NCAM1: variants seen among roughly 807,000 people sequenced by gnomAD.
NCAM1 encodes neural cell adhesion molecule 1.
NCAM1 carries 14 observed loss-of-function variants against 109.8 expected under a neutral mutation model. That is an observed-to-expected ratio of 0.13 (90% CI 0.08 to 0.20). The LOEUF is 0.20. Among genes scored for constraint, NCAM1 ranks in the 10% least tolerant of loss-of-function variants. NCAM1 has a pLI of 1.00. For synonymous variants in NCAM1, 418 were observed against 442.9 expected (o/e 0.94, Z 0.70); for missense variants, 774 against 1,109.9 (o/e 0.70, Z 4.30).
At chr11:113,107,847 C>T (rs1165335490) in intron 1 of NCAM1, among the ~76,000 whole-genome samples, 1 of 152,190 alleles carries the variant, frequency 6.6e-6, no homozygotes, top group Non-Finnish European at 1.5e-5. Context: ...GTGTAGTCCT[C>T]TGCAGTAATT....
At chr11:113,050,165 G>T (rs1555081579) in intron 1 of NCAM1, among the ~76,000 whole-genome samples, 1 of 151,802 alleles carries the variant, frequency 6.6e-6, no homozygotes, top group East Asian at 1.9e-4. Flanking sequence ...GACAGAAAGA[G>T]AATTAATGAC....
intron 9 of NCAM1, chr11:113,231,094 T>C (rs1944991820): frequency 8.6e-7 from 1 of 1,158,498 alleles, no homozygotes; most frequent in African/African-American, 1.5e-5. Flanking sequence ...TGTTTTTACA[T>C]GTGATTATTT....
chr11:113,018,766 A>G (rs1245242115), intron 1 of NCAM1, among the ~76,000 whole-genome samples: 1 of 152,186 alleles, frequency 6.6e-6, no homozygotes, highest in Non-Finnish European at 1.5e-5. Context: ...AAACAGACAT[A>G]GTCTTAAATG....
intron 1 of NCAM1, among the ~76,000 whole-genome samples, chr11:113,113,589 A>G (rs1555094199): frequency 6.6e-6 from 1 of 152,170 alleles, no homozygotes; most frequent in African/African-American, 2.4e-5. Context: ...TAAATTGGCA[A>G]TCTGTGGACT....
intron 17 of NCAM1, chr11:113,265,242 A>G (rs1187011664): frequency 1.2e-6 from 1 of 856,534 alleles, no homozygotes; most frequent in Non-Finnish European, 1.4e-6. Flanking sequence ...TGTCTGACAA[A>G]GCAGCAAAGA....
At chr11:113,044,283 G>C (rs887004335) in intron 1 of NCAM1, among the ~76,000 whole-genome samples, 2 of 152,110 alleles carry the variant, frequency 1.3e-5, no homozygotes, top group Non-Finnish European at 2.9e-5. Context: ...ACTTTTGAGG[G>C]AGGATAAGAA....
chr11:113,076,206 G>C (rs868925245), intron 1 of NCAM1, among the ~76,000 whole-genome samples: 6 of 152,282 alleles, frequency 3.9e-5, no homozygotes, highest in East Asian at 1.9e-4. Flanking sequence ...TTGGCCTTGA[G>C]GGGAAAGTTC....
intron 15 of NCAM1, among the ~76,000 whole-genome samples, chr11:113,249,767 C>T (rs1945609669): frequency 6.6e-6 from 1 of 152,194 alleles, no homozygotes; most frequent in African/African-American, 2.4e-5. Flanking sequence ...TTTCATGACA[C>T]CTGCGAGAAG....
rs148340673 is a variant in NCAM1 at position 113,185,068 on chromosome 11, T to TTATATATATATATA, written c.53-17299_53-17298insTATATATATATATA. Among the ~76,000 whole-genome samples the TTATATATATATATA allele has an allele frequency of 7.1e-4, 71 of 99,614 alleles. 2 individuals carry two copies. Among genetic ancestry groups the TTATATATATATATA allele is most frequent in the African/African-American group, 2.7e-3 (65 of 24,022 alleles). 65.4% of individuals were successfully genotyped at this position (99,614 alleles called of 152,430 possible). A position where few individuals can be genotyped will look rare whatever the true frequency, so the allele number is the denominator to read the frequency against. On this transcript the variant is annotated intron_variant, in intron 1 of 19. Transcript: ENST00000316851. ...TATGTGTATGTGTGTGCATTTATAT[T>TTATATATATATATA]TATATATATATAGAGAGAGAGAGAG... is the stretch of plus-strand genomic sequence containing the variant.
intron 1 of NCAM1, among the ~76,000 whole-genome samples, chr11:113,048,554 A>G (rs1432985774): frequency 3.3e-5 from 5 of 152,236 alleles, no homozygotes; most frequent in Admixed American, 1.3e-4. Context: ...TGATCCATCC[A>G]TCTTGCGAGG....
intron 9 of NCAM1, among the ~76,000 whole-genome samples, chr11:113,227,278 C>CT (rs1944879848): frequency 1.3e-5 from 2 of 152,098 alleles, no homozygotes; most frequent in African/African-American, 4.8e-5. Flanking sequence ...GAAATACAAA[C>CT]TACCATCAGA....
At chr11:113,275,229 C>G (rs782708501) in intron 19 of NCAM1, 38 bp from the exon 20 acceptor site, 1 of 1,611,502 alleles carries the variant, frequency 6.2e-7, no homozygotes, top group South Asian at 1.1e-5. Context: ...GTCTGCAGAC[C>G]GTGGTCTCAG....
At chr11:112,981,223 G>T (rs1411735243) in intron 1 of NCAM1, among the ~76,000 whole-genome samples, 13 of 151,670 alleles carry the variant, frequency 8.6e-5, no homozygotes, top group African/African-American at 2.9e-4. Context: ...AAAAAAAACC[G>T]AAATGATGTT....
At chr11:113,238,097 GT>G (rs1555118661) in intron 14 of NCAM1, among the ~76,000 whole-genome samples, 1 of 151,822 alleles carries the variant, frequency 6.6e-6, no homozygotes, top group African/African-American at 2.4e-5. Flanking sequence ...AGACCTTGTT[GT>G]TTATTGTCTG....
Position 113,264,481 on chromosome 11 carries a change from C to T in NCAM1, c.2131+4158C>T, listed in dbSNP as rs72995546. On this transcript the variant is annotated intron_variant, in intron 17 of 19. Coordinates refer to ENST00000316851, the MANE Select transcript of NCAM1 (RefSeq NM_181351.5). ...CTCTCCCCGCTGGAGTCCCAGATGG[C>T]GCTTCACACCAGGGCAGTGGAGGCA... The T allele has an allele frequency of 1.3e-3, 1,239 of 985,728 alleles. 1 individual carries two copies. The highest frequency in any genetic ancestry group is 1.4e-3 in the Non-Finnish European group (1,202 of 830,240). The allele number at this position is 985,728 out of a possible 1,614,324, so 61.1% of individuals were successfully genotyped here. A position where few individuals can be genotyped will look rare whatever the true frequency, so the allele number is the denominator to read the frequency against.
chr11:113,120,169 G>A (rs1268855515), intron 1 of NCAM1, among the ~76,000 whole-genome samples: 2 of 152,288 alleles, frequency 1.3e-5, no homozygotes, highest in South Asian at 2.1e-4. Context: ...CAGAAACCAC[G>A]CCAAAGGGTT....
At chr11:113,004,351 G>A (rs1951836661) in intron 1 of NCAM1, among the ~76,000 whole-genome samples, 1 of 151,966 alleles carries the variant, frequency 6.6e-6, no homozygotes, top group African/African-American at 2.4e-5. Context: ...AAATCAGCTG[G>A]GCATGGTGGC....
intron 1 of NCAM1, among the ~76,000 whole-genome samples, chr11:113,168,028 C>G (rs1565475682): frequency 6.6e-6 from 1 of 152,152 alleles, no homozygotes; most frequent in Non-Finnish European, 1.5e-5. Context: ...CAGAATTTCA[C>G]AGTACACATT....
rs1166009829 is a variant in NCAM1 at position 113,277,931 on chromosome 11, C to A, written c.*2544C>A. 8.3e-6 allele frequency: 1 copy of A among 121,052 alleles called. No individual in the cohort carries two copies. Among genetic ancestry groups the A allele is most frequent in the Admixed American group, 9.0e-5 (1 of 11,116 alleles). 7.5% of individuals were successfully genotyped at this position (121,052 alleles called of 1,614,324 possible). A position where few individuals can be genotyped will look rare whatever the true frequency, so the allele number is the denominator to read the frequency against. On this transcript the variant is annotated 3_prime_UTR_variant, in exon 20 of 20. Transcript: ENST00000316851. Reference sequence around the variant, plus strand: ...GTCATTTTATTCCAAGATGTTTTATCTTTTATGTTAAGAGATCAAAGCTTA... The same window carrying A: ...GTCATTTTATTCCAAGATGTTTTATATTTTATGTTAAGAGATCAAAGCTTA...
Sources: gnomAD v4.1 joint callset for allele counts (sites outside exome capture counted in the v4.1 genomes callset) on GRCh38, gnomAD v4.1.1 for gene constraint, MANE v1.5 for transcripts, NCBI Gene and HGNC (gene_info 2026-07-23, HGNC 2026-07-21) for gene names.